The following APOL6 variants were observed in gnomAD, a reference collection of about 807,000 sequenced individuals.
APOL6 encodes apolipoprotein L, 6.
In APOL6, 1 loss-of-function variant was observed where a neutral mutation model predicts 2.4. That is an observed-to-expected ratio of 0.41 (90% confidence interval 0.15 to 1.94). The LOEUF (loss-of-function observed/expected upper bound fraction) is 1.94, where lower values mean the gene tolerates loss of function less well. APOL6 is among the 30% of genes most tolerant of loss of function. APOL6 has a pLI of 0.30. For missense variants in APOL6, 438 were observed against 429.2 expected, an observed-to-expected ratio of 1.02 and a Z score of -0.18; for synonymous variants, 189 against 169.3, an observed-to-expected ratio of 1.12 and a Z score of -0.90.
chr22:35,659,075 A>G lies in APOL6; in HGVS notation c.511A>G (p.Ile171Val). Reference protein sequence around the residue: ...ADYVTAAGKIIYNLRNTLKYA... With the variant: ...ADYVTAAGKIVYNLRNTLKYA... Reference sequence around the variant, plus strand: ...CTATGTCACAGCTGCTGGAAAGATTATCTATAATCTTAGAAACACCTTGAA... The same window carrying G: ...CTATGTCACAGCTGCTGGAAAGATTGTCTATAATCTTAGAAACACCTTGAA... The change falls in exon 3 of 3, where the codon ATC becomes GTC. Residue 171 changes from isoleucine to valine, a missense_variant. Ile to Val is a conservative substitution (Grantham distance 29). Coordinates refer to ENST00000409652, the MANE Select transcript of APOL6 (RefSeq NM_030641.4). 1 of 1,614,068 alleles carries G rather than the reference A, an allele frequency of 6.2e-7. No individual in the cohort carries two copies. Among genetic ancestry groups the G allele is most frequent in the East Asian group, 2.2e-5 (1 of 44,878 alleles).
chr22:35,653,335 A>G (rs1476179124), intron 1 of APOL6, among the ~76,000 whole-genome samples: 2 of 152,138 alleles, frequency 1.3e-5, no homozygotes, highest in Non-Finnish European at 2.9e-5. Context: ...CAATCATGTC[A>G]TCTGCAAACA....
chr22:35,659,551 G>T lies in APOL6; in HGVS notation c.987G>T (p.Trp329Cys). ...ELREHVWMWL[W>C]LCVCLCVCVY... ...GGGAGCATGTGTGGATGTGGCTGTGGCTGTGTGTGTGTCTGTGTGTCTGTG... is the reference window on the plus strand; with the variant it reads ...GGGAGCATGTGTGGATGTGGCTGTGTCTGTGTGTGTGTCTGTGTGTCTGTG... Residue 329 changes from tryptophan to cysteine, a missense_variant, in exon 3 of 3, where the codon TGG becomes TGT. Transcript: ENST00000409652. 6.2e-7 allele frequency: 1 copy of T among 1,613,506 alleles called. No individual in the cohort carries two copies.
rs1418816076 is a variant in APOL6, at chr22:35,660,434, GT to G, written c.*839del. ...TCTGGGACTTCCAGCCTCTAGAACT[GT>G]GAAACAATAAATTTCTGTGGTGTAA... is the stretch of plus-strand genomic sequence containing the variant. On this transcript the variant is annotated 3_prime_UTR_variant, in exon 3 of 3. Coordinates refer to ENST00000409652, the MANE Select transcript of APOL6 (RefSeq NM_030641.4). 2 of 152,244 alleles carry G rather than the reference GT, an allele frequency of 1.3e-5. No homozygotes were observed. The highest frequency in any genetic ancestry group is 2.4e-5 in the African/African-American group (1 of 41,468). 9.4% of individuals were successfully genotyped at this position (152,244 alleles called of 1,614,324 possible). A position where few individuals can be genotyped will look rare whatever the true frequency, so the allele number is the denominator to read the frequency against.
At chr22:35,652,973 TA>T (rs1457628028) in intron 1 of APOL6, among the ~76,000 whole-genome samples, 1 of 151,818 alleles carries the variant, frequency 6.6e-6, no homozygotes, top group Non-Finnish European at 1.5e-5. Flanking sequence ...ATTGAATCTA[TA>T]AATTACCTTG....
intron 1 of APOL6, among the ~76,000 whole-genome samples, chr22:35,654,973 G>A (rs1924805248): frequency 6.6e-6 from 1 of 152,114 alleles, no homozygotes; most frequent in Non-Finnish European, 1.5e-5. Flanking sequence ...GGTACCAGAG[G>A]AAGCTGCGTA....
intron 2 of APOL6, among the ~76,000 whole-genome samples, chr22:35,657,490 C>T (rs757742900): frequency 3.3e-5 from 5 of 152,168 alleles, no homozygotes; most frequent in Non-Finnish European, 7.3e-5. Context: ...AAGATAAATA[C>T]ATTTATGGAC....
chr22:35,656,943 G>A lies in APOL6; in HGVS notation c.50+468G>A, dbSNP rs534821763. 5.9e-5 allele frequency among the ~76,000 whole-genome samples: 9 copies of A among 152,294 alleles called. No homozygotes were observed. The South Asian group carries it at 6.2e-4, about 11-fold the overall frequency. On this transcript the variant is annotated intron_variant, in intron 2 of 2. Coordinates refer to ENST00000409652, the MANE Select transcript of APOL6 (RefSeq NM_030641.4). ...CAAATATTTGCTGAGTGAATTAGAC[G>A]AACTCTATGTGTAATATGTCATGGA...
rs1925249572 is a variant in APOL6, at chr22:35,668,358, C to T, written c.*8762C>T. On this transcript the variant is annotated 3_prime_UTR_variant, in exon 3 of 3. Coordinates refer to ENST00000409652, the MANE Select transcript of APOL6 (RefSeq NM_030641.4). ...TCAGGGTCTCCTGAGGGCTGTGTCA[C>T]AGGCCATGTTCACTTACATTTGGCT... 6.6e-6 allele frequency: 1 copy of T among 152,184 alleles called. No individual in the cohort carries two copies. The highest frequency in any genetic ancestry group is 1.5e-5 in the Non-Finnish European group (1 of 68,056). 9.4% of individuals were successfully genotyped at this position (152,184 alleles called of 1,614,324 possible). A position where few individuals can be genotyped will look rare whatever the true frequency, so the allele number is the denominator to read the frequency against.
chr22:35,668,382 C>T lies in APOL6; in HGVS notation c.*8786C>T, dbSNP rs1925250139. 1 of 152,026 alleles carries T rather than the reference C, an allele frequency of 6.6e-6. No homozygotes were observed. Among genetic ancestry groups the T allele is most frequent in the Non-Finnish European group, 1.5e-5 (1 of 68,022 alleles). The allele number at this position is 152,026 out of a possible 1,614,324, so 9.4% of individuals were successfully genotyped here. A position where few individuals can be genotyped will look rare whatever the true frequency, so the allele number is the denominator to read the frequency against. ...ACAGGCCATGTTCACTTACATTTGG[C>T]TCAGAATAAATCTCTTCAAATATTT... On this transcript the variant is annotated 3_prime_UTR_variant, in exon 3 of 3. Coordinates refer to ENST00000409652, the MANE Select transcript of APOL6 (RefSeq NM_030641.4).
Position 35,658,753 on chromosome 22 carries a change from C to G in APOL6, c.189C>G (p.Leu63=), listed in dbSNP as rs377013101. Residue 63 remains leucine, a synonymous_variant, in exon 3 of 3, where the codon CTC becomes CTG. Transcript: ENST00000409652. ...GGAACATTGACAAGCTCCGTGCCCT[C>G]GCAGACGATATTGACAAAACCCACA... is the stretch of plus-strand genomic sequence containing the variant. ...LKGNIDKLRA[L]ADDIDKTHKK... is the part of the protein sequence containing the mutation. The G allele has an allele frequency of 6.2e-7, 1 of 1,614,074 alleles. No individual in the cohort carries two copies. Among genetic ancestry groups the G allele is most frequent in the African/African-American group, 1.3e-5 (1 of 74,930 alleles).
chr22:35,655,598 A>G (rs979075661), intron 1 of APOL6, among the ~76,000 whole-genome samples: 1 of 152,096 alleles, frequency 6.6e-6, no homozygotes, highest in Admixed American at 6.6e-5. Flanking sequence ...AAAAAACTAT[A>G]ATTTGTTTGT....
chr22:35,650,306 C>CTATATAAGGATTT (rs1924653910), intron 1 of APOL6, among the ~76,000 whole-genome samples: 1 of 151,978 alleles, frequency 6.6e-6, no homozygotes, highest in Non-Finnish European at 1.5e-5. Context: ...AGACAGACGT[C>CTATATAAGGATTT]TATATAAGGA....
chr22:35,656,948 C>CT (rs1924861714), intron 2 of APOL6, among the ~76,000 whole-genome samples: 1 of 152,222 alleles, frequency 6.6e-6, no homozygotes, highest in African/African-American at 2.4e-5. Context: ...TAGACGAACT[C>CT]TATGTGTAAT....
rs1286040161 is a variant in APOL6 at position 35,660,953 on chromosome 22, A to G, written c.*1357A>G. ...GACAGATTAACAGGAGAAAAAGCAT[A>G]TACATTTTTTAATGTGGGCCAGATG... On this transcript the variant is annotated 3_prime_UTR_variant, in exon 3 of 3. Transcript: ENST00000409652. 6.6e-6 allele frequency: 1 copy of G among 152,212 alleles called. No homozygotes were observed. The highest frequency in any genetic ancestry group is 2.4e-5 in the African/African-American group (1 of 41,454). The allele number at this position is 152,212 out of a possible 1,614,324, so 9.4% of individuals were successfully genotyped here.
chr22:35,649,011 G>T (rs983630763), intron 1 of APOL6, among the ~76,000 whole-genome samples: 2 of 152,142 alleles, frequency 1.3e-5, no homozygotes, highest in Admixed American at 6.5e-5. Context: ...TGGTTTAGGG[G>T]TGTCATCTCA....
intron 1 of APOL6, among the ~76,000 whole-genome samples, chr22:35,649,432 G>A (rs58516573): frequency 0.051 from 7,543 of 147,402 alleles, 523 homozygotes; most frequent in African/African-American, 0.16. Flanking sequence ...AGTGAGACCC[G>A]GTCTCAAAAA....
rs1158817685 is a variant in APOL6, at chr22:35,663,804, T to G, written c.*4208T>G. ...TATTTAGCTGACAACTGCCTAGGGT[T>G]GTAAAACAGGTTATCAAGAATCTGA... On this transcript the variant is annotated 3_prime_UTR_variant, in exon 3 of 3. Coordinates refer to ENST00000409652, the MANE Select transcript of APOL6 (RefSeq NM_030641.4). 1 of 152,162 alleles carries G rather than the reference T, an allele frequency of 6.6e-6. No homozygotes were observed. Among genetic ancestry groups the G allele is most frequent in the Non-Finnish European group, 1.5e-5 (1 of 68,028 alleles). 9.4% of individuals were successfully genotyped at this position (152,162 alleles called of 1,614,324 possible).
At position 35,667,128 on chromosome 22, in the gene APOL6, A is replaced by C. The variant is rs1014627259; in HGVS notation, c.*7532A>C. 3.9e-5 allele frequency: 6 copies of C among 152,200 alleles called. No homozygotes were observed. Among genetic ancestry groups the C allele is most frequent in the African/African-American group, 7.2e-5 (3 of 41,448 alleles). 9.4% of individuals were successfully genotyped at this position (152,200 alleles called of 1,614,324 possible). Reference sequence around the variant, plus strand: ...AAGTCCTTGGAAAAACTGGCCCCATATTTTGTGTACACAGTCTCCGTACAA... The same window carrying C: ...AAGTCCTTGGAAAAACTGGCCCCATCTTTTGTGTACACAGTCTCCGTACAA... On this transcript the variant is annotated 3_prime_UTR_variant, in exon 3 of 3. Transcript: ENST00000409652.
rs1364628823 is a variant in APOL6 at position 35,666,762 on chromosome 22, C to A, written c.*7166C>A. On this transcript the variant is annotated 3_prime_UTR_variant, in exon 3 of 3. Transcript: ENST00000409652. ...CAGGAATTAACTGCATAGACTGAAC[C>A]AATCTTTTTGACTTTTTGCTTAAAA... The A allele has an allele frequency of 6.6e-6, 1 of 152,176 alleles. No individual in the cohort carries two copies. Among genetic ancestry groups the A allele is most frequent in the East Asian group, 1.9e-4 (1 of 5,180 alleles). The allele number at this position is 152,176 out of a possible 1,614,324, so 9.4% of individuals were successfully genotyped here. A position where few individuals can be genotyped will look rare whatever the true frequency, so the allele number is the denominator to read the frequency against.
Sources: allele counts gnomAD v4.1 joint callset (sites outside exome capture counted in the v4.1 genomes callset), GRCh38; gene constraint gnomAD v4.1.1; transcripts MANE v1.5; gene names NCBI Gene and HGNC (gene_info 2026-07-23, HGNC 2026-07-21).